PAX5: variants seen among roughly 807,000 people sequenced by gnomAD.
The protein encoded by PAX5 is paired box 5, also known as paired box protein Pax-5.
PAX5 carries 9 observed loss-of-function variants against 43.7 expected under a neutral mutation model. The ratio of observed to expected loss-of-function variants is 0.21; its 90% CI spans 0.12 to 0.36. The LOEUF (loss-of-function observed/expected upper bound fraction) is 0.36. Ranked by LOEUF, PAX5 falls within the 10% of genes least tolerant of loss-of-function variation. PAX5 has a pLI of 1.00. For synonymous variants in PAX5, 228 were observed against 214.3 expected, an observed-to-expected ratio of 1.06 and a Z score of -0.56; for missense variants, 383 against 532.7, an observed-to-expected ratio of 0.72 and a Z score of 2.77.
In PAX5 at chr9:36,835,940, A is replaced by T. The variant is rs143734279; in HGVS notation, c.*4620T>A. 3 of 233,322 alleles carry T rather than the reference A, an allele frequency of 1.3e-5. No homozygotes were observed. The highest frequency in any genetic ancestry group is 6.6e-5 in the African/African-American group (3 of 45,454). 14.5% of individuals were successfully genotyped at this position (233,322 alleles called of 1,614,324 possible). ...TTAGACTCCCCTCCTGGGAAGCTGT[A>T]TTTCAGACTCATCGTGTTTCTAGGG... is the stretch of plus-strand genomic sequence containing the variant. On this transcript the variant is annotated 3_prime_UTR_variant, in exon 10 of 10. Transcript: ENST00000358127.
At chr9:37,005,701 C>A (rs1838328495) in intron 4 of PAX5, among the ~76,000 whole-genome samples, 1 of 152,216 alleles carries the variant, frequency 6.6e-6, no homozygotes, top group South Asian at 2.1e-4. Context: ...ACTGTGGCAA[C>A]CAGAAGTGTC....
In PAX5 at chr9:36,835,901, CGGGAAGCTGTATCTTAGACTCCCCTCCT is replaced by C. The variant is rs1414901450; in HGVS notation, c.*4631_*4658del. The C allele has an allele frequency of 4.3e-6, 1 of 233,506 alleles. No homozygotes were observed. The highest frequency in any genetic ancestry group is 8.5e-6 in the Non-Finnish European group (1 of 118,276). The allele number at this position is 233,506 out of a possible 1,614,324, so 14.5% of individuals were successfully genotyped here. A position where few individuals can be genotyped will look rare whatever the true frequency, so the allele number is the denominator to read the frequency against. ...GGGCAGGAGTTGGTTTCCACCCTCC[CGGGAAGCTGTATCTTAGACTCCCCTCCT>C]GGGAAGCTGTATTTCAGACTCATCG... On this transcript the variant is annotated 3_prime_UTR_variant, in exon 10 of 10. Transcript: ENST00000358127.
At chr9:36,947,526 A>G (rs890557313) in intron 6 of PAX5, among the ~76,000 whole-genome samples, 1 of 152,108 alleles carries the variant, frequency 6.6e-6, no homozygotes, top group Non-Finnish European at 1.5e-5. Context: ...CCTCCCGAGT[A>G]GCTATCACGC....
At chr9:37,002,576 C>T (rs922051847) in intron 5 of PAX5, 72 bp downstream of exon 5, 6 of 1,533,106 alleles carry the variant, frequency 3.9e-6, no homozygotes, top group Non-Finnish European at 5.3e-6. Flanking sequence ...CCTCTGCTGC[C>T]ACCCGCGACC....
chr9:36,898,130 G>GA (rs1828031150), intron 7 of PAX5, among the ~76,000 whole-genome samples: 1 of 152,172 alleles, frequency 6.6e-6, no homozygotes, highest in Admixed American at 6.5e-5. Context: ...GAAGGAAAGA[G>GA]AATGAGAAAG....
chr9:36,900,234 G>A (rs113948100), intron 7 of PAX5, among the ~76,000 whole-genome samples: 2,057 of 152,302 alleles, frequency 0.014, 46 homozygotes, highest in African/African-American at 0.047. Flanking sequence ...AAGTAGACAC[G>A]TGCGTGTGAG....
intron 8 of PAX5, among the ~76,000 whole-genome samples, chr9:36,878,654 G>C (rs905934181): frequency 9.9e-5 from 15 of 152,250 alleles, no homozygotes; most frequent in Non-Finnish European, 1.9e-4. Flanking sequence ...ACCACGGTGA[G>C]GCCTGACAGC....
At chr9:36,999,056 A>G (rs916209056) in intron 5 of PAX5, among the ~76,000 whole-genome samples, 8 of 152,334 alleles carry the variant, frequency 5.3e-5, no homozygotes, top group African/African-American at 1.9e-4. Flanking sequence ...TGAAACACTC[A>G]GCAGAGTGAA....
At chr9:36,911,688 CA>C (rs1409900613) in intron 7 of PAX5, among the ~76,000 whole-genome samples, 1 of 152,190 alleles carries the variant, frequency 6.6e-6, no homozygotes, top group Non-Finnish European at 1.5e-5. Context: ...TCATGAGCCT[CA>C]AAAAGGCTCA....
At chr9:36,992,216 C>T (rs1178706240) in intron 5 of PAX5, among the ~76,000 whole-genome samples, 1 of 151,788 alleles carries the variant, frequency 6.6e-6, no homozygotes, top group East Asian at 1.9e-4. Context: ...AAAATCTCCC[C>T]TTTGTCAACT....
At chr9:36,913,640 G>C (rs1255376019) in intron 7 of PAX5, among the ~76,000 whole-genome samples, 1 of 152,220 alleles carries the variant, frequency 6.6e-6, no homozygotes, top group Non-Finnish European at 1.5e-5. Flanking sequence ...AGCAGTTTCA[G>C]AACTGTGGCC....
intron 1 of PAX5, among the ~76,000 whole-genome samples, chr9:37,022,508 G>C (rs1357094399): frequency 1.3e-5 from 2 of 152,146 alleles, no homozygotes; most frequent in African/African-American, 4.8e-5. Flanking sequence ...GAAAACAAAG[G>C]GCAGGCAAAG....
intron 6 of PAX5, among the ~76,000 whole-genome samples, chr9:36,947,089 A>T (rs1323689780): frequency 6.6e-6 from 1 of 152,246 alleles, no homozygotes; most frequent in Non-Finnish European, 1.5e-5. Flanking sequence ...GATTCTATTC[A>T]TAAATGAATT....
At chr9:36,862,090 C>G (rs1362482066) in intron 8 of PAX5, among the ~76,000 whole-genome samples, 2 of 152,140 alleles carry the variant, frequency 1.3e-5, no homozygotes, top group Non-Finnish European at 2.9e-5. Flanking sequence ...GTGGAGGCAG[C>G]TGGTAGAGGG....
At chr9:36,985,367 A>G (rs1465004519) in intron 5 of PAX5, among the ~76,000 whole-genome samples, 3 of 152,184 alleles carry the variant, frequency 2.0e-5, no homozygotes, top group African/African-American at 7.2e-5. Context: ...TTAGTGAGTG[A>G]GGGAATGCCA....
intron 3 of PAX5, among the ~76,000 whole-genome samples, chr9:37,008,265 G>T (rs1344765461): frequency 6.6e-6 from 1 of 152,198 alleles, no homozygotes; most frequent in East Asian, 1.9e-4. Context: ...CGTTAGCCAG[G>T]CTGGTCTCCA....
chr9:36,833,523 A>C lies in PAX5; in HGVS notation c.*7037T>G, dbSNP rs1382321353. The C allele has an allele frequency of 4.3e-6, 1 of 232,970 alleles. No individual in the cohort carries two copies. Among genetic ancestry groups the C allele is most frequent in the Non-Finnish European group, 8.5e-6 (1 of 117,994 alleles). 14.4% of individuals were successfully genotyped at this position (232,970 alleles called of 1,614,324 possible). A position where few individuals can be genotyped will look rare whatever the true frequency, so the allele number is the denominator to read the frequency against. ...CAAATTTCAGGTTTGACAAGGAAAA[A>C]AAAGTAAAAAAAAAATTAAACCAAA... On this transcript the variant is annotated 3_prime_UTR_variant, in exon 10 of 10. Coordinates refer to ENST00000358127, the MANE Select transcript of PAX5 (RefSeq NM_016734.3).
intron 8 of PAX5, among the ~76,000 whole-genome samples, chr9:36,865,982 TG>T (rs1245039559): frequency 2.0e-5 from 3 of 152,218 alleles, no homozygotes; most frequent in Non-Finnish European, 4.4e-5. Context: ...CATCCACTCC[TG>T]CCCCACCGGG....
chr9:36,946,797 C>T (rs895514903), intron 6 of PAX5, among the ~76,000 whole-genome samples: 6 of 152,196 alleles, frequency 3.9e-5, no homozygotes, highest in Non-Finnish European at 8.8e-5. Context: ...GAGGCAACTT[C>T]TTTACCAACC....
Sources: gnomAD v4.1 joint callset for allele counts (sites outside exome capture counted in the v4.1 genomes callset) on GRCh38, gnomAD v4.1.1 for gene constraint, MANE v1.5 for transcripts, NCBI Gene and HGNC (gene_info 2026-07-23, HGNC 2026-07-21) for gene names.